Variants in SCMH1 observed in about 807,000 individuals in gnomAD.
The protein encoded by SCMH1 is Scm polycomb group protein homolog 1.
In SCMH1, 37 loss-of-function variants were observed where a neutral mutation model predicts 70.8. The observed-to-expected ratio is 0.52, with a 90% confidence interval of 0.40 to 0.69. The LOEUF is 0.69. Ranked by LOEUF, SCMH1 falls within the 30% of genes least tolerant of loss-of-function variation. The pLI, the probability that SCMH1 is intolerant of heterozygous loss-of-function variation, is 0.00. For synonymous variants in SCMH1, 292 were observed against 307.4 expected (o/e 0.95, Z 0.52); for missense variants, 607 against 827.3 (o/e 0.73, Z 3.27).
At chr1:41,131,640 G>T (rs1674741096) in intron 6 of SCMH1, among the ~76,000 whole-genome samples, 1 of 152,126 alleles carries the variant, frequency 6.6e-6, no homozygotes, top group Non-Finnish European at 1.5e-5. Context: ...TGCCATGTTG[G>T]TTTGCTGCAC....
intron 10 of SCMH1, among the ~76,000 whole-genome samples, chr1:41,052,754 C>T (rs1175586743): frequency 6.6e-6 from 1 of 151,992 alleles, no homozygotes; most frequent in East Asian, 1.9e-4. Context: ...ATAGTAAGTT[C>T]AAGAATAGGG....
chr1:41,027,937 A>AAT, exon 15 of SCMH1: 1 of 487,418 alleles, frequency 2.1e-6, no homozygotes, highest in East Asian at 3.6e-5. Flanking sequence ...TTGAGAAATA[A>AAT]ATAGAGGGAC....
intron 7 of SCMH1, among the ~76,000 whole-genome samples, chr1:41,115,927 A>G (rs973368361): frequency 6.6e-5 from 10 of 152,156 alleles, no homozygotes; most frequent in African/African-American, 2.4e-4. Flanking sequence ...AATCTGATCT[A>G]TGTATGATTA....
At position 41,037,554 on chromosome 1, in the gene SCMH1, A is replaced by G. The variant is rs1645475995; in HGVS notation, c.1499-13T>C. Reference sequence around the variant, plus strand: ...ACAAAGGTTTCACCTGAAAAACAGTAAAACCAGAGTTAGAGCTTAGAAGGA... The same window carrying G: ...ACAAAGGTTTCACCTGAAAAACAGTGAAACCAGAGTTAGAGCTTAGAAGGA... On this transcript the variant is annotated splice_polypyrimidine_tract_variant and intron_variant, in intron 12 of 14. Coordinates refer to ENST00000337495, the Ensembl canonical transcript of SCMH1. 2 of 1,612,658 alleles carry G rather than the reference A, an allele frequency of 1.2e-6. No homozygotes were observed. Among genetic ancestry groups the G allele is most frequent in the Non-Finnish European group, 1.7e-6 (2 of 1,178,954 alleles).
At chr1:41,112,938 C>T (rs374231382) in intron 8 of SCMH1, among the ~76,000 whole-genome samples, 1 of 152,168 alleles carries the variant, frequency 6.6e-6, no homozygotes, top group Admixed American at 6.5e-5. Flanking sequence ...CCCCTAAGGT[C>T]AGAGGAAGGT....
chr1:41,203,877 G>A (rs1654917683), intron 1 of SCMH1, among the ~76,000 whole-genome samples: 1 of 152,244 alleles, frequency 6.6e-6, no homozygotes, highest in South Asian at 2.1e-4. Context: ...TAATAAATAC[G>A]TGGGTAAATC....
chr1:41,067,334 C>T (rs189652292), intron 10 of SCMH1, among the ~76,000 whole-genome samples: 3 of 151,602 alleles, frequency 2.0e-5, no homozygotes, highest in African/African-American at 7.3e-5. Flanking sequence ...GTCCCAGGTA[C>T]TCGGAAGGCT....
At chr1:41,192,615 A>C (rs751390329) in intron 1 of SCMH1, among the ~76,000 whole-genome samples, 1 of 151,902 alleles carries the variant, frequency 6.6e-6, no homozygotes, top group Non-Finnish European at 1.5e-5. Flanking sequence ...ATCCTTTGCT[A>C]CTATTTAGGA....
chr1:41,032,648 G>A (rs1288983455), intron 13 of SCMH1, among the ~76,000 whole-genome samples: 1 of 152,120 alleles, frequency 6.6e-6, no homozygotes, highest in Admixed American at 6.6e-5. Context: ...GTCTATGTTG[G>A]TAACAGACTT....
At chr1:41,114,959 C>T (rs916199756) in intron 7 of SCMH1, among the ~76,000 whole-genome samples, 3 of 152,166 alleles carry the variant, frequency 2.0e-5, no homozygotes, top group Non-Finnish European at 4.4e-5. Context: ...GGATTACAGG[C>T]ATGAGCCACC....
At chr1:41,132,926 G>A (rs557530154) in intron 6 of SCMH1, among the ~76,000 whole-genome samples, 5 of 152,290 alleles carry the variant, frequency 3.3e-5, no homozygotes, top group South Asian at 4.1e-4. Flanking sequence ...CCAGTGCCAT[G>A]CTATTCTGGT....
chr1:41,230,190 G>A (rs1661034809), intron 1 of SCMH1, among the ~76,000 whole-genome samples: 1 of 152,152 alleles, frequency 6.6e-6, no homozygotes, highest in Non-Finnish European at 1.5e-5. Context: ...GTGGAGGATA[G>A]GGTACAAAAG....
At chr1:41,180,144 G>T (rs1015079072) in intron 2 of SCMH1, among the ~76,000 whole-genome samples, 1 of 152,094 alleles carries the variant, frequency 6.6e-6, no homozygotes, top group African/African-American at 2.4e-5. Flanking sequence ...TGCAGAAAAG[G>T]CCTTTGACAA....
intron 1 of SCMH1, among the ~76,000 whole-genome samples, chr1:41,219,335 T>C (rs933453619): frequency 6.6e-6 from 1 of 152,176 alleles, no homozygotes. Context: ...TGTGAGTTGT[T>C]CCAGTGAATT....
chr1:41,166,682 TG>T (rs1435269331), intron 2 of SCMH1, among the ~76,000 whole-genome samples: 1 of 152,106 alleles, frequency 6.6e-6, no homozygotes, highest in African/African-American at 2.4e-5. Context: ...TACTGACTTT[TG>T]TAAGTTGATT....
rs1369005646 is a variant in SCMH1, at chr1:41,085,917, T to G, written c.746-10466A>C. Among the ~76,000 whole-genome samples the G allele has an allele frequency of 3.4e-5, 5 of 147,350 alleles. No homozygotes were observed. In the East Asian group the frequency reaches 1.0e-3, roughly 30 times the overall value. The stretch of plus-strand genomic sequence containing the variant: ...GTGCAGTGGCGTGAACTCGGCTCAC[T>G]GCAACCTCTGCCTCCTGGGTTCAAG... On this transcript the variant is annotated intron_variant, in intron 8 of 14. Transcript: ENST00000337495.
chr1:41,089,508 T>C (rs916661048), intron 8 of SCMH1, among the ~76,000 whole-genome samples: 5 of 152,242 alleles, frequency 3.3e-5, no homozygotes, highest in Non-Finnish European at 7.3e-5. Flanking sequence ...TAAGCCACCA[T>C]CATCTCTAAC....
intron 10 of SCMH1, among the ~76,000 whole-genome samples, chr1:41,056,197 G>A (rs1444510015): frequency 1.3e-5 from 2 of 152,142 alleles, no homozygotes; most frequent in African/African-American, 4.8e-5. Context: ...CTCTAGGAAC[G>A]CAGCCACCAT....
intron 9 of SCMH1, among the ~76,000 whole-genome samples, chr1:41,071,805 G>A (rs778190774): frequency 1.3e-5 from 2 of 152,064 alleles, no homozygotes; most frequent in Non-Finnish European, 2.9e-5. Flanking sequence ...TGGGACTACA[G>A]GTGTGTGCCA....
Sources: allele counts gnomAD v4.1 joint callset (sites outside exome capture counted in the v4.1 genomes callset), GRCh38; gene constraint gnomAD v4.1.1; transcripts MANE v1.5; gene names NCBI Gene and HGNC (gene_info 2026-07-23, HGNC 2026-07-21).